Variants in DENND5A observed in about 807,000 individuals in gnomAD.
DENND5A encodes the protein DENN domain containing 5A.
Under a neutral mutation model 140.3 loss-of-function variants are expected in DENND5A, and 64 were observed. The observed-to-expected ratio is 0.46, with a 90% confidence interval of 0.37 to 0.56. The LOEUF is 0.56. DENND5A is among the 20% of genes least tolerant of loss of function. DENND5A has a pLI of 0.00. For missense variants in DENND5A, 1,292 were observed against 1,593.8 expected, an observed-to-expected ratio of 0.81 and a Z score of 3.22; for synonymous variants, 605 against 607.7, an observed-to-expected ratio of 1.00 and a Z score of 0.07.
chr11:9,205,765 C>A (rs968337663), intron 3 of DENND5A, among the ~76,000 whole-genome samples: 1 of 152,144 alleles, frequency 6.6e-6, no homozygotes, highest in Non-Finnish European at 1.5e-5. Flanking sequence ...GGCATAGTGT[C>A]GTGCACCAGT....
chr11:9,228,000 C>T (rs1045632172), intron 1 of DENND5A, among the ~76,000 whole-genome samples: 2 of 148,912 alleles, frequency 1.3e-5, no homozygotes, highest in Non-Finnish European at 3.0e-5. Context: ...GTAATCCCAG[C>T]TACTTGGGAG....
At chr11:9,150,043 C>T (rs1416211692) in intron 15 of DENND5A, 38 bp downstream of exon 15, 3 of 1,585,470 alleles carry the variant, frequency 1.9e-6, no homozygotes, top group African/African-American at 1.4e-5. Context: ...CCCTCCATTC[C>T]TGGGAGCCTG....
At chr11:9,180,269 T>C (rs1383579163) in intron 6 of DENND5A, among the ~76,000 whole-genome samples, 3 of 151,626 alleles carry the variant, frequency 2.0e-5, no homozygotes, top group Admixed American at 6.6e-5. Context: ...CTGAGCAACA[T>C]AGTGAGACCC....
Position 9,265,125 on chromosome 11 carries a change from C to G in DENND5A, c.-56G>C. 1 of 1,073,282 alleles carries G rather than the reference C, an allele frequency of 9.3e-7. No individual in the cohort carries two copies. Among genetic ancestry groups the G allele is most frequent in the Non-Finnish European group, 1.2e-6 (1 of 867,524 alleles). 66.5% of individuals were successfully genotyped at this position (1,073,282 alleles called of 1,614,324 possible). On this transcript the variant is annotated 5_prime_UTR_variant, in exon 1 of 23. Coordinates refer to ENST00000328194, the MANE Select transcript of DENND5A (RefSeq NM_015213.4). The surrounding 1 kb of genome is among the most constrained non-coding windows in gnomAD (Gnocchi z 4.7). ...CGGAGCGGCACCGAGCCCCCGCAACCCGGGCGCCCGCCCGTCCGCCCTCAG... is the reference window on the plus strand; with the variant it reads ...CGGAGCGGCACCGAGCCCCCGCAACGCGGGCGCCCGCCCGTCCGCCCTCAG...
intron 11 of DENND5A, among the ~76,000 whole-genome samples, chr11:9,164,508 C>T (rs1405516587): frequency 1.3e-5 from 2 of 152,012 alleles, no homozygotes; most frequent in Non-Finnish European, 2.9e-5. Flanking sequence ...GTAGTAGAGA[C>T]TGAGTTAGTT....
At chr11:9,160,357 G>A (rs534679317) in intron 12 of DENND5A, among the ~76,000 whole-genome samples, 3 of 152,226 alleles carry the variant, frequency 2.0e-5, no homozygotes, top group South Asian at 4.1e-4. Flanking sequence ...TATATGATTA[G>A]TGAAGAACCT....
chr11:9,208,886 A>G (rs1355242333), intron 1 of DENND5A, among the ~76,000 whole-genome samples: 3 of 152,246 alleles, frequency 2.0e-5, no homozygotes, highest in African/African-American at 7.2e-5. Flanking sequence ...CCTACAGCTT[A>G]TGTAGAGCTA....
At position 9,203,902 on chromosome 11, in the gene DENND5A, G is replaced by A. The variant is rs776004527; in HGVS notation, c.707C>T (p.Pro236Leu). 4 of 1,614,056 alleles carry A rather than the reference G, an allele frequency of 2.5e-6. No individual in the cohort carries two copies. Among genetic ancestry groups the A allele is most frequent in the African/African-American group, 1.3e-5 (1 of 74,926 alleles). ...TATGTAGCTCTCAAGGGGCAGTGGAGGGGGCTGAGGTGAAGTGACTGCCTG... is the reference window on the plus strand; with the variant it reads ...TATGTAGCTCTCAAGGGGCAGTGGAAGGGGCTGAGGTGAAGTGACTGCCTG... ...LHQAVTSPQP[P>L]PLPLESYIYN... Residue 236 changes from proline to leucine, a missense_variant, in exon 4 of 23, where the codon CCT becomes CTT. Pro to Leu is a moderately conservative substitution (Grantham distance 98). Coordinates refer to ENST00000328194, the MANE Select transcript of DENND5A (RefSeq NM_015213.4).
chr11:9,146,238 A>C (rs1326555577), intron 16 of DENND5A, among the ~76,000 whole-genome samples: 3 of 152,216 alleles, frequency 2.0e-5, no homozygotes, highest in Admixed American at 2.0e-4. Context: ...GGCACAGAGA[A>C]AGAAAGTTTG....
At chr11:9,146,907 A>C in intron 16 of DENND5A, 123 bp downstream of exon 16, 1 of 1,203,614 alleles carries the variant, frequency 8.3e-7, no homozygotes, top group Non-Finnish European at 1.2e-6. Context: ...CCACAGAGGC[A>C]AAAGACAAAT....
intron 5 of DENND5A, 141 bp downstream of exon 5, chr11:9,193,353 C>CT (rs1849205688): frequency 5.1e-6 from 3 of 593,044 alleles, no homozygotes; most frequent in Non-Finnish European, 8.1e-6. Context: ...ATTGTTTTTA[C>CT]TTTTTTCCTG....
intron 1 of DENND5A, among the ~76,000 whole-genome samples, chr11:9,223,782 G>C (rs1294669987): frequency 6.6e-6 from 1 of 152,172 alleles, no homozygotes; most frequent in Non-Finnish European, 1.5e-5. Context: ...ATTGCCTGTA[G>C]GTTACAGCTT....
At chr11:9,178,522 T>C (rs1319470622) in intron 7 of DENND5A, among the ~76,000 whole-genome samples, 156 bp from the exon 8 acceptor site, 1 of 151,278 alleles carries the variant, frequency 6.6e-6, no homozygotes, top group Non-Finnish European at 1.5e-5. Context: ...AACCCACTCA[T>C]GTAAGTTCAG....
At chr11:9,171,888 AC>A (rs1174214977) in intron 8 of DENND5A, 1 of 152,216 alleles carries the variant, frequency 6.6e-6, no homozygotes, top group African/African-American at 2.4e-5. Context: ...AACATCAACA[AC>A]AAAAAACTAG....
intron 5 of DENND5A, among the ~76,000 whole-genome samples, chr11:9,183,119 C>G (rs573314244): frequency 2.0e-5 from 3 of 152,200 alleles, no homozygotes; most frequent in Non-Finnish European, 4.4e-5. Context: ...TTGGAATGTT[C>G]TTGCAGGTAT....
intron 5 of DENND5A, among the ~76,000 whole-genome samples, chr11:9,191,667 TAG>T (rs1849131497): frequency 1.3e-5 from 2 of 152,210 alleles, no homozygotes; most frequent in Admixed American, 1.3e-4. Context: ...TGAAAAATCC[TAG>T]AGAGATCAGA....
At chr11:9,141,553 C>T (rs10769994) in intron 22 of DENND5A, among the ~76,000 whole-genome samples, 70,992 of 152,084 alleles carry the variant, frequency 0.47, 17,911 homozygotes, top group African/African-American at 0.65. Flanking sequence ...CTACACTTCT[C>T]CTGGAGCTTC....
intron 1 of DENND5A, among the ~76,000 whole-genome samples, chr11:9,224,264 T>C (rs1248064958): frequency 6.6e-6 from 1 of 152,128 alleles, no homozygotes; most frequent in Non-Finnish European, 1.5e-5. Flanking sequence ...AGAGAACTCT[T>C]GAAGGGAAGT....
intron 4 of DENND5A, among the ~76,000 whole-genome samples, chr11:9,199,239 T>C (rs1849444602): frequency 6.6e-6 from 1 of 152,020 alleles, no homozygotes; most frequent in South Asian, 2.1e-4. Context: ...GGCTCATGCC[T>C]GTAATCCCAG....
Sources: gnomAD v4.1 joint callset for allele counts (sites outside exome capture counted in the v4.1 genomes callset) on GRCh38, gnomAD v4.1.1 for gene constraint, Gnocchi (gnomAD v3.1) non-coding constraint, MANE v1.5 for transcripts, NCBI Gene and HGNC (gene_info 2026-07-23, HGNC 2026-07-21) for gene names.